Variants in GPHN observed in about 807,000 individuals in gnomAD.
The protein encoded by GPHN is gephyrin.
In GPHN, 17 loss-of-function variants were observed where a neutral mutation model predicts 95.5. The observed-to-expected ratio is 0.18, with a 90% CI of 0.12 to 0.27. The LOEUF (loss-of-function observed/expected upper bound fraction) is 0.27, where lower values mean the gene tolerates loss of function less well. GPHN is among the 10% of genes least tolerant of loss of function. The pLI, the probability that GPHN is intolerant of heterozygous loss-of-function variation, is 1.00. For synonymous variants in GPHN, 320 were observed against 322.5 expected (o/e 0.99, Z 0.08); for missense variants, 660 against 978.1 (o/e 0.67, Z 4.34).
the GPHN span, among the ~76,000 whole-genome samples, chr14:67,212,562 G>A: frequency 4.6e-5 from 6 of 131,068 alleles, no homozygotes; most frequent in Admixed American, 7.7e-5. Context: ...CTGCACTCCA[G>A]CCTGGGTGAC....
chr14:67,361,199 A>T, the GPHN span, among the ~76,000 whole-genome samples: 27 of 152,322 alleles, frequency 1.8e-4, no homozygotes, highest in African/African-American at 6.3e-4. Flanking sequence ...CTCAAAACTT[A>T]GGCTTTTTAA....
At chr14:66,572,695 G>A (rs7145981) in intron 1 of GPHN, among the ~76,000 whole-genome samples, 47,815 of 151,716 alleles carry the variant, frequency 0.32, 11,519 homozygotes, top group African/African-American at 0.65. Context: ...ATAAGATGCT[G>A]TCAGCAACCA....
At chr14:67,301,520 T>C in the GPHN span, 2 of 1,368,482 alleles carry the variant, frequency 1.5e-6, no homozygotes, top group Non-Finnish European at 2.0e-6. Context: ...TCTTCTATTT[T>C]TTTAAATCAA....
At chr14:66,970,089 T>G (rs116682553) in intron 9 of GPHN, among the ~76,000 whole-genome samples, 6,993 of 150,052 alleles carry the variant, frequency 0.047, 181 homozygotes, top group Non-Finnish European at 0.063. Flanking sequence ...AGTTGTGTTT[T>G]TTTTTTTTTT....
chr14:67,594,685 C>T, the GPHN span, among the ~76,000 whole-genome samples: 1 of 151,694 alleles, frequency 6.6e-6, no homozygotes, highest in Non-Finnish European at 1.5e-5. Flanking sequence ...TCCTTTCACA[C>T]TCCCTCAGCA....
At chr14:67,164,292 A>G (rs2082144883) in intron 19 of GPHN, among the ~76,000 whole-genome samples, 1 of 150,540 alleles carries the variant, frequency 6.6e-6, no homozygotes, top group South Asian at 2.1e-4. Flanking sequence ...AAAAAAAAAA[A>G]ACTGTTAATT....
At chr14:66,825,353 C>G (rs1487105523) in intron 4 of GPHN, among the ~76,000 whole-genome samples, 1 of 152,078 alleles carries the variant, frequency 6.6e-6, no homozygotes, top group Non-Finnish European at 1.5e-5. Flanking sequence ...TATTTCAAAT[C>G]AGTACACTAT....
chr14:66,974,564 T>A (rs550666374), intron 9 of GPHN, among the ~76,000 whole-genome samples: 7 of 152,092 alleles, frequency 4.6e-5, no homozygotes, highest in Non-Finnish European at 1.0e-4. Context: ...AAACCAAAAA[T>A]TGCTAACTGT....
At chr14:67,370,680 T>C in the GPHN span, among the ~76,000 whole-genome samples, 1 of 152,300 alleles carries the variant, frequency 6.6e-6, no homozygotes, top group African/African-American at 2.4e-5. Flanking sequence ...AAATTTTGAG[T>C]GTCCTATATG....
At chr14:66,676,196 C>T (rs1458345234) in intron 1 of GPHN, among the ~76,000 whole-genome samples, 3 of 151,958 alleles carry the variant, frequency 2.0e-5, no homozygotes, top group Non-Finnish European at 2.9e-5. Context: ...TATTTTTCTT[C>T]CTAGAGTTTT....
chr14:67,562,342 G>A, the GPHN span: 1 of 1,613,956 alleles, frequency 6.2e-7, no homozygotes, highest in Non-Finnish European at 8.5e-7. Context: ...GCCCCTTGGA[G>A]GATTCTAGTT....
At chr14:66,561,749 C>G (rs2060256528) in intron 1 of GPHN, among the ~76,000 whole-genome samples, 2 of 151,946 alleles carry the variant, frequency 1.3e-5, no homozygotes, top group Admixed American at 1.3e-4. Flanking sequence ...ACAAAATTAC[C>G]ATAAATGTTG....
At chr14:67,511,580 A>G in the GPHN span, among the ~76,000 whole-genome samples, 152,185 of 152,296 alleles carry the variant, frequency 1, 76,037 homozygotes, top group Non-Finnish European at 1. Context: ...GTTCAAAAAC[A>G]TGAATTGTCA....
chr14:67,310,015 TAACA>T, the GPHN span, among the ~76,000 whole-genome samples: 9 of 146,082 alleles, frequency 6.2e-5, no homozygotes, highest in Non-Finnish European at 1.3e-4. Context: ...GGCAAAAAAG[TAACA>T]AACAGATTCT....
intron 1 of GPHN, among the ~76,000 whole-genome samples, chr14:66,651,268 C>T (rs1302086033): frequency 2.0e-5 from 3 of 152,178 alleles, no homozygotes; most frequent in Non-Finnish European, 2.9e-5. Context: ...ACAGAGAACT[C>T]GATCTGTCGC....
intron 17 of GPHN, among the ~76,000 whole-genome samples, chr14:67,124,276 C>G (rs1034847911): frequency 6.6e-6 from 1 of 151,966 alleles, no homozygotes; most frequent in African/African-American, 2.4e-5. Flanking sequence ...GGTAGTGGTG[C>G]GCACCTGTAA....
At chr14:66,850,505 G>A (rs35592995) in intron 4 of GPHN, among the ~76,000 whole-genome samples, 13,672 of 152,096 alleles carry the variant, frequency 0.09, 835 homozygotes, top group Non-Finnish European at 0.14. Flanking sequence ...TTAACATGTA[G>A]TTTGTATTTT....
intron 4 of GPHN, among the ~76,000 whole-genome samples, chr14:66,838,627 A>G (rs1476683808): frequency 6.6e-6 from 1 of 152,134 alleles, no homozygotes; most frequent in Non-Finnish European, 1.5e-5. Context: ...ATAAATAAAT[A>G]TTTTGCAGAT....
chr14:67,169,835 G>C (rs865839323), intron 21 of GPHN, among the ~76,000 whole-genome samples: 1 of 152,286 alleles, frequency 6.6e-6, no homozygotes, highest in East Asian at 1.9e-4. Flanking sequence ...CCAGCACTTC[G>C]GGAGGCCGAG....
Sources: gnomAD v4.1 joint callset for allele counts (sites outside exome capture counted in the v4.1 genomes callset) on GRCh38, gnomAD v4.1.1 for gene constraint, MANE v1.5 for transcripts, NCBI Gene and HGNC (gene_info 2026-07-23, HGNC 2026-07-21) for gene names.